PDGFRA: variants seen among roughly 807,000 people sequenced by gnomAD.
The protein encoded by PDGFRA is platelet derived growth factor receptor alpha, also known as platelet-derived growth factor receptor alpha.
PDGFRA carries 25 observed loss-of-function variants against 121.5 expected under a neutral mutation model. The observed-to-expected ratio is 0.21, with a 90% CI of 0.15 to 0.29. The LOEUF (loss-of-function observed/expected upper bound fraction) is 0.29, where lower values mean the gene tolerates loss of function less well. PDGFRA is among the 10% of genes least tolerant of loss of function. The pLI is 1.00. For synonymous variants in PDGFRA, 463 were observed against 494.8 expected (o/e 0.94, Z 0.85); for missense variants, 1,008 against 1,345.1 (o/e 0.75, Z 3.92).
chr4:54,264,874 C>A, intron 4 of PDGFRA, 45 bp from the exon 5 acceptor site: 1 of 1,533,536 alleles, frequency 6.5e-7, no homozygotes, highest in African/African-American at 1.4e-5. Context: ...AAGATCCTGG[C>A]TATCCTGTGG....
At chr4:54,233,742 G>A (rs1577665943) in intron 1 of PDGFRA, among the ~76,000 whole-genome samples, 1 of 152,240 alleles carries the variant, frequency 6.6e-6, no homozygotes, top group Non-Finnish European at 1.5e-5. Flanking sequence ...GGAGTGTGGA[G>A]GAGGACGGGT....
chr4:54,289,106 T>C lies in PDGFRA; in HGVS notation c.2872T>C (p.Tyr958His). ...TGTGGAGAATCTGCTGCCTGGACAA[T>C]ATAAAAAGGTGTGTTTGGATCTGTG... is the stretch of plus-strand genomic sequence containing the variant. ...EIVENLLPGQ[Y>H]KKSYEKIHLD... The change falls in exon 21 of 23, where the codon TAT becomes CAT. Residue 958 changes from tyrosine to histidine, a missense_variant. Physicochemically the swap from Tyr to His is moderately conservative, Grantham distance 83. Transcript: ENST00000257290. The C allele has an allele frequency of 6.4e-7, 1 of 1,570,276 alleles. No individual in the cohort carries two copies. Among genetic ancestry groups the C allele is most frequent in the South Asian group, 1.1e-5 (1 of 90,142 alleles).
intron 4 of PDGFRA, chr4:54,264,374 T>A: frequency 4.0e-6 from 1 of 252,272 alleles, no homozygotes; most frequent in Non-Finnish European, 7.6e-6. Flanking sequence ...CATGCTGAGG[T>A]CAACAGATAT....
intron 16 of PDGFRA, among the ~76,000 whole-genome samples, chr4:54,282,380 C>G (rs28811736): frequency 0.2 from 30,997 of 152,136 alleles, 3,763 homozygotes; most frequent in African/African-American, 0.32. Flanking sequence ...GCAGGCACAT[C>G]ACATGGCCAG....
intron 10 of PDGFRA, 141 bp from the exon 11 acceptor site, chr4:54,274,389 TC>T: frequency 1.4e-6 from 1 of 709,362 alleles, no homozygotes. Context: ...GTACTGCCTA[TC>T]CCTAAAATGA....
intron 18 of PDGFRA, 51 bp from the exon 19 acceptor site, chr4:54,287,379 G>T (rs886240923): frequency 1.2e-6 from 1 of 801,262 alleles, no homozygotes; most frequent in Non-Finnish European, 2.3e-6. Context: ...CCACTGCTGT[G>T]GATCATCAGT....
intron 5 of PDGFRA, among the ~76,000 whole-genome samples, chr4:54,266,116 A>G (rs997577200): frequency 3.3e-5 from 5 of 152,212 alleles, no homozygotes; most frequent in Non-Finnish European, 7.3e-5. Flanking sequence ...TCTTCTGTTC[A>G]TACTTGATTG....
At chr4:54,258,146 C>G (rs1722475293) in intron 1 of PDGFRA, among the ~76,000 whole-genome samples, 1 of 152,154 alleles carries the variant, frequency 6.6e-6, no homozygotes, top group Non-Finnish European at 1.5e-5. Flanking sequence ...CTCCTCCTTT[C>G]ATGCTTGTAC....
At chr4:54,278,284 A>G (rs1168180950) in intron 14 of PDGFRA, 78 bp from the exon 15 acceptor site, 2 of 1,138,320 alleles carry the variant, frequency 1.8e-6, no homozygotes, top group Non-Finnish European at 2.6e-6. Context: ...TTTCTGTGCC[A>G]TATGGTCTGC....
At position 54,285,627 on chromosome 4, in the gene PDGFRA, G is replaced by T. The variant is rs776150907; in HGVS notation, c.2439+141G>T. ...CCTGTCTCTCTCCTTCATCCCCTACGCAGGTCAGGGAGTCTGAAATCATCA... is the reference window on the plus strand; with the variant it reads ...CCTGTCTCTCTCCTTCATCCCCTACTCAGGTCAGGGAGTCTGAAATCATCA... On this transcript the variant is annotated intron_variant, in intron 17 of 22. Coordinates refer to ENST00000257290, the MANE Select transcript of PDGFRA (RefSeq NM_006206.6). 1.6e-5 allele frequency: 12 copies of T among 734,658 alleles called. No individual in the cohort carries two copies. In the African/African-American group the frequency reaches 2.1e-4, roughly 13 times the overall value. The allele number at this position is 734,658 out of a possible 1,614,324, so 45.5% of individuals were successfully genotyped here.
At chr4:54,240,379 C>G (rs1467233757) in intron 1 of PDGFRA, among the ~76,000 whole-genome samples, 1 of 152,166 alleles carries the variant, frequency 6.6e-6, no homozygotes, top group Non-Finnish European at 1.5e-5. Flanking sequence ...GGCCACCCCC[C>G]AGATGCTCTG....
intron 4 of PDGFRA, 67 bp downstream of exon 4, chr4:54,263,994 ATTTTT>A: frequency 1.7e-6 from 2 of 1,201,836 alleles, no homozygotes; most frequent in Non-Finnish European, 2.3e-6. Context: ...TGCGTGTAGG[ATTTTT>A]TTTTTTTTTT....
intron 3 of PDGFRA, among the ~76,000 whole-genome samples, chr4:54,262,669 C>T (rs1172251439): frequency 1.3e-5 from 2 of 152,040 alleles, no homozygotes; most frequent in African/African-American, 2.4e-5. Context: ...AACCTTCCTT[C>T]TTAACAATTA....
chr4:54,235,068 G>T (rs1268251894), intron 1 of PDGFRA, among the ~76,000 whole-genome samples: 1 of 152,202 alleles, frequency 6.6e-6, no homozygotes, highest in East Asian at 1.9e-4. Flanking sequence ...AAAACAGGGA[G>T]AAGTTTCCAC....
intron 1 of PDGFRA, among the ~76,000 whole-genome samples, chr4:54,244,913 T>G (rs529402351): frequency 6.4e-4 from 98 of 152,068 alleles, no homozygotes; most frequent in African/African-American, 2.1e-3. Flanking sequence ...AAGAACTACA[T>G]GAAGAATGCA....
chr4:54,253,435 T>A (rs776799014), intron 1 of PDGFRA, among the ~76,000 whole-genome samples: 14 of 152,280 alleles, frequency 9.2e-5, no homozygotes, highest in Non-Finnish European at 1.5e-4. Context: ...TCCTTTCTTC[T>A]GAGAGAAAGC....
At chr4:54,292,654 AT>A (rs1724688413) in intron 22 of PDGFRA, among the ~76,000 whole-genome samples, 1 of 152,168 alleles carries the variant, frequency 6.6e-6, no homozygotes, top group Non-Finnish European at 1.5e-5. Flanking sequence ...CATCCTGCAT[AT>A]GTACCCCTGA....
At position 54,297,151 on chromosome 4, in the gene PDGFRA, A is replaced by G; in HGVS notation, c.*1879A>G. The G allele has an allele frequency of 4.3e-6, 1 of 233,532 alleles. No homozygotes were observed. Among genetic ancestry groups the G allele is most frequent in the Non-Finnish European group, 8.5e-6 (1 of 118,058 alleles). The allele number at this position is 233,532 out of a possible 1,614,324, so 14.5% of individuals were successfully genotyped here. A position where few individuals can be genotyped will look rare whatever the true frequency, so the allele number is the denominator to read the frequency against. ...GTTAGATGGGAGGATGAATTGTCACATCTATCCACACTGTCAAACAGGTTG... is the reference window on the plus strand; with the variant it reads ...GTTAGATGGGAGGATGAATTGTCACGTCTATCCACACTGTCAAACAGGTTG... On this transcript the variant is annotated 3_prime_UTR_variant, in exon 23 of 23. Coordinates refer to ENST00000257290, the MANE Select transcript of PDGFRA (RefSeq NM_006206.6).
At chr4:54,232,641 G>A (rs1435007334) in intron 1 of PDGFRA, among the ~76,000 whole-genome samples, 1 of 152,236 alleles carries the variant, frequency 6.6e-6, no homozygotes, top group African/African-American at 2.4e-5. Context: ...CTGAAGTGCA[G>A]TGGTGCGATC....
Sources: gnomAD v4.1 joint callset for allele counts (sites outside exome capture counted in the v4.1 genomes callset) on GRCh38, gnomAD v4.1.1 for gene constraint, MANE v1.5 for transcripts, NCBI Gene and HGNC (gene_info 2026-07-23, HGNC 2026-07-21) for gene names.